UNC45A: variants seen among roughly 807,000 people sequenced by gnomAD.
UNC45A encodes protein unc-45 homolog A.
A neutral mutation model predicts 103.2 loss-of-function variants in UNC45A; 78 were observed. That is an observed-to-expected ratio of 0.76 (90% CI 0.63 to 0.91). The LOEUF (loss-of-function observed/expected upper bound fraction) is 0.91. Among genes scored for constraint, UNC45A ranks in the 40% least tolerant of loss-of-function variants. UNC45A has a pLI of 0.00. For synonymous variants in UNC45A, 495 were observed against 504.6 expected, an observed-to-expected ratio of 0.98 and a Z score of 0.25; for missense variants, 1,193 against 1,224.8, an observed-to-expected ratio of 0.97 and a Z score of 0.39.
chr15:90,941,822 G>C (rs1046655158), intron 6 of UNC45A, among the ~76,000 whole-genome samples: 1 of 152,148 alleles, frequency 6.6e-6, no homozygotes, highest in Non-Finnish European at 1.5e-5. Context: ...AGCCGGGTGC[G>C]GTGGCGGGCG....
chr15:90,940,495 G>C (rs772661531), intron 6 of UNC45A, 22 bp downstream of exon 6: 1 of 1,599,898 alleles, frequency 6.3e-7, no homozygotes, highest in East Asian at 2.2e-5. Context: ...GGAGAGGCTG[G>C]TTACAGCTTC....
At position 90,950,615 on chromosome 15, in the gene UNC45A, G is replaced by A. The variant is rs754236017; in HGVS notation, c.2303G>A (p.Arg768Gln). The A allele has an allele frequency of 4.8e-5, 77 of 1,613,860 alleles. No homozygotes were observed. Among genetic ancestry groups the A allele is most frequent in the Non-Finnish European group, 5.8e-5 (69 of 1,179,970 alleles). The change falls in exon 17 of 20, where the codon CGG becomes CAG. Residue 768 changes from arginine (R) to glutamine (Q), a missense_variant and splice_region_variant. Physicochemically the swap from Arg to Gln is conservative, Grantham distance 43. Transcript: ENST00000418476. ...TNLAGISERL[R>Q]QKILKEKAVP... ...CTGGCTGGGATCAGCGAGAGGCTCC[G>A]GTAAGGTCCCTTGGGATTGCGGGGC...
chr15:90,940,162 A>G (rs11073961), intron 5 of UNC45A, 144 bp from the exon 6 acceptor site: 250,662 of 859,286 alleles, frequency 0.29, 39,089 homozygotes, highest in East Asian at 0.57. Flanking sequence ...AGGAAGCTAA[A>G]CTTCAAAGAG....
upstream of UNC45A, chr15:90,931,673 C>CT: frequency 1.2e-6 from 2 of 1,613,970 alleles, no homozygotes; most frequent in Non-Finnish European, 1.7e-6. Flanking sequence ...ATCCCCCTCC[C>CT]TTTTCCCTTA....
chr15:90,932,452 G>T, upstream of UNC45A: 27 of 1,354,132 alleles, frequency 2.0e-5, no homozygotes, highest in Non-Finnish European at 2.6e-5. Flanking sequence ...GATGTAGGGG[G>T]TCCCCTCGGG....
At chr15:90,951,673 G>A (rs1189476574) in intron 17 of UNC45A, among the ~76,000 whole-genome samples, 1 of 152,204 alleles carries the variant, frequency 6.6e-6, no homozygotes, top group Non-Finnish European at 1.5e-5. Flanking sequence ...GTGATGGGAT[G>A]ATCTGTGCGG....
At chr15:90,950,644 G>A (rs748461147) in intron 17 of UNC45A, 29 bp downstream of exon 17, 2 of 1,606,254 alleles carry the variant, frequency 1.2e-6, no homozygotes, top group Non-Finnish European at 1.7e-6. Context: ...GCGGGGCCTG[G>A]ACCAGGCATC....
In UNC45A at chr15:90,953,169, C is replaced by T. The variant is rs147797974; in HGVS notation, c.2436C>T (p.Phe812=). The change falls in exon 19 of 20, where the codon TTC becomes TTT. Residue 812 remains phenylalanine (F), a synonymous_variant. Coordinates refer to ENST00000418476, the MANE Select transcript of UNC45A (RefSeq NM_018671.5). The part of the protein sequence containing the change: ...LAMSKEVQDL[F]EAQGNDRLKL... ...TCTGGCCACAGGTGCAGGACCTCTT[C>T]GAAGCCCAGGGCAATGACCGACTGA... 97 of 1,613,614 alleles carry T rather than the reference C, an allele frequency of 6.0e-5. No homozygotes were observed. The African/African-American group carries it at 1.1e-3, about 18-fold the overall frequency.
intron 17 of UNC45A, chr15:90,952,532 G>C (rs1164227847): frequency 5.7e-6 from 1 of 176,108 alleles, no homozygotes; most frequent in East Asian, 1.5e-4. Flanking sequence ...CGCTTCTCCT[G>C]CCTCAGCCTC....
chr15:90,944,116 G>A (rs910906045), intron 8 of UNC45A, among the ~76,000 whole-genome samples: 28 of 150,966 alleles, frequency 1.9e-4, no homozygotes, highest in African/African-American at 4.1e-4. Context: ...GCTGGGCGTG[G>A]TGCCTCACGC....
rs771638718 is a variant in UNC45A, at chr15:90,953,251, G to A, written c.2518G>A (p.Gly840Arg). Reference sequence around the variant, plus strand: ...TGAGCTGCTACAGCGGGCAGCTGCCGGGGGCTTGGCCATGCTTACCTCCAT... The same window carrying A: ...TGAGCTGCTACAGCGGGCAGCTGCCAGGGGCTTGGCCATGCTTACCTCCAT... ...DDELLQRAAA[G>R]GLAMLTSMRP... Residue 840 changes from glycine to arginine, a missense_variant, in exon 19 of 20, where the codon GGG becomes AGG. Coordinates refer to ENST00000418476, the MANE Select transcript of UNC45A (RefSeq NM_018671.5). 21 of 1,613,556 alleles carry A rather than the reference G, an allele frequency of 1.3e-5. No individual in the cohort carries two copies. The highest frequency in any genetic ancestry group is 9.9e-5 in the South Asian group (9 of 91,042).
chr15:90,932,501 A>ATCGACTC, upstream of UNC45A: 1 of 1,300,618 alleles, frequency 7.7e-7, no homozygotes, highest in Admixed American at 3.8e-5. Flanking sequence ...CGAGCCGCGA[A>ATCGACTC]GTCGGCAGCC....
intron 8 of UNC45A, among the ~76,000 whole-genome samples, chr15:90,944,467 A>C (rs1035680679): frequency 6.6e-6 from 1 of 151,742 alleles, no homozygotes; most frequent in Admixed American, 6.6e-5. Context: ...TGAGGTGTGG[A>C]TATCGTGTTC....
intron 17 of UNC45A, 50 bp from the exon 18 acceptor site, chr15:90,952,879 G>A (rs1366801299): frequency 3.2e-6 from 5 of 1,551,826 alleles, no homozygotes; most frequent in Non-Finnish European, 4.4e-6. Flanking sequence ...AGGGTTAGAA[G>A]GGAAAACATC....
chr15:90,940,502 C>T, intron 6 of UNC45A, 29 bp downstream of exon 6: 3 of 1,592,124 alleles, frequency 1.9e-6, no homozygotes, highest in Non-Finnish European at 2.6e-6. Context: ...CTGGTTACAG[C>T]TTCAGTCCCT....
At position 90,942,512 on chromosome 15, in the gene UNC45A, C is replaced by T. The variant is rs1380529583; in HGVS notation, c.763C>T (p.Leu255=). 3.1e-6 allele frequency: 5 copies of T among 1,614,070 alleles called. No individual in the cohort carries two copies. The African/African-American group carries it at 5.3e-5, about 17-fold the overall frequency. The change falls in exon 7 of 20, where the codon CTG becomes TTG. Residue 255 remains leucine (L), a synonymous_variant. Transcript: ENST00000418476. ...ILGVESQAVS[L]AACHLLQVMF... is the part of the protein sequence containing the mutation. ...GGGCGTGGAAAGCCAGGCTGTGTCCCTGGCTGCCTGCCACCTGCTGCAGGT... is the reference window on the plus strand; with the variant it reads ...GGGCGTGGAAAGCCAGGCTGTGTCCTTGGCTGCCTGCCACCTGCTGCAGGT...
At chr15:90,931,236 G>A, upstream of UNC45A, 1 of 1,548,666 alleles carries the variant, frequency 6.5e-7, no homozygotes, top group Non-Finnish European at 8.7e-7. Context: ...CGGCCTGAAC[G>A]AGGCTGGAGT....
chr15:90,941,788 T>C (rs1365423440), intron 6 of UNC45A, among the ~76,000 whole-genome samples: 1 of 151,490 alleles, frequency 6.6e-6, no homozygotes, highest in Non-Finnish European at 1.5e-5. Context: ...TGAAACCCCG[T>C]CTCTACTAAA....
intron 12 of UNC45A, 172 bp from the exon 13 acceptor site, chr15:90,948,482 G>T: frequency 7.8e-7 from 1 of 1,275,672 alleles, no homozygotes; most frequent in Non-Finnish European, 1.1e-6. Context: ...GGAGGAGCTG[G>T]GGAGGTCAAG....
Sources: allele counts gnomAD v4.1 joint callset (sites outside exome capture counted in the v4.1 genomes callset), GRCh38; gene constraint gnomAD v4.1.1; transcripts MANE v1.5; gene names NCBI Gene and HGNC (gene_info 2026-07-23, HGNC 2026-07-21).